Variants in NUP98 observed in about 807,000 individuals in gnomAD.
NUP98 encodes the protein nucleoporin 98 and 96 precursor.
Under a neutral mutation model 191.9 loss-of-function variants are expected in NUP98, and 26 were observed. The ratio of observed to expected loss-of-function variants is 0.14; its 90% CI spans 0.10 to 0.19. The LOEUF (loss-of-function observed/expected upper bound fraction) is 0.19, where lower values mean the gene tolerates loss of function less well. Among genes scored for constraint, NUP98 ranks in the 10% least tolerant of loss-of-function variants. The probability of loss-of-function intolerance (pLI) is 1.00; values close to 1 mark genes in which losing one functional copy is unlikely to be tolerated. For missense variants in NUP98, 1,941 were observed against 2,178.8 expected (o/e 0.89, Z 2.17); for synonymous variants, 808 against 778.4 (o/e 1.04, Z -0.63).
intron 10 of NUP98, among the ~76,000 whole-genome samples, chr11:3,755,601 G>GA (rs1564889535): frequency 6.6e-6 from 1 of 152,262 alleles, no homozygotes; most frequent in East Asian, 1.9e-4. Flanking sequence ...TTATCTCAAT[G>GA]AAAAAAATCA....
intron 28 of NUP98, among the ~76,000 whole-genome samples, chr11:3,686,867 T>C (rs2078147842): frequency 6.6e-6 from 1 of 152,062 alleles, no homozygotes; most frequent in Non-Finnish European, 1.5e-5. Flanking sequence ...CATGCCTGTA[T>C]TCCCGGCTAC....
At chr11:3,785,845 G>A (rs1447711543) in intron 1 of NUP98, among the ~76,000 whole-genome samples, 1 of 150,962 alleles carries the variant, frequency 6.6e-6, no homozygotes, top group Non-Finnish European at 1.5e-5. Context: ...CAAAAATGTA[G>A]TAAAATCCAT....
chr11:3,685,940 T>C lies in NUP98; in HGVS notation c.4676+33A>G, dbSNP rs371487921. ...TTTGGAATTGCCCTGTAGTGCTAGATGTACCCAGTGGGTTCAACGGCTTCT... is the reference window on the plus strand; with the variant it reads ...TTTGGAATTGCCCTGTAGTGCTAGACGTACCCAGTGGGTTCAACGGCTTCT... On this transcript the variant is annotated intron_variant, in intron 29 of 32. Coordinates refer to ENST00000324932, the MANE Select transcript of NUP98 (RefSeq NM_016320.5). 1.4e-5 allele frequency: 21 copies of C among 1,552,918 alleles called. 1 individual carries two copies. The highest frequency in any genetic ancestry group is 1.1e-4 in the East Asian group (5 of 44,550).
chr11:3,714,032 T>C lies in NUP98; in HGVS notation c.2400-37A>G, dbSNP rs761261562. ...AACCAATTAAAGTAACCAATTAAAGTAAAAGCGCTTCATATATAAGACCAG... is the reference window on the plus strand; with the variant it reads ...AACCAATTAAAGTAACCAATTAAAGCAAAAGCGCTTCATATATAAGACCAG... On this transcript the variant is annotated intron_variant, in intron 18 of 32. Transcript: ENST00000324932. 5 of 1,597,674 alleles carry C rather than the reference T, an allele frequency of 3.1e-6. No homozygotes were observed. The Admixed American group carries it at 5.2e-5, about 17-fold the overall frequency.
At chr11:3,722,401 C>A (rs747288790) in intron 16 of NUP98, among the ~76,000 whole-genome samples, 2 of 151,958 alleles carry the variant, frequency 1.3e-5, no homozygotes, top group African/African-American at 2.4e-5. Context: ...CACACCCAGG[C>A]TACCTGGGAT....
At chr11:3,695,230 T>C (rs1026515660) in intron 26 of NUP98, among the ~76,000 whole-genome samples, 2 of 152,244 alleles carry the variant, frequency 1.3e-5, no homozygotes, top group Non-Finnish European at 2.9e-5. Context: ...TTTACCACTA[T>C]ATGATATGGG....
chr11:3,764,769 G>A (rs559393486), intron 8 of NUP98, among the ~76,000 whole-genome samples: 160 of 152,258 alleles, frequency 1.1e-3, no homozygotes, highest in African/African-American at 3.5e-3. Flanking sequence ...TAGTAGAGAC[G>A]GGGTTTCACC....
At chr11:3,772,384 T>C (rs932336326) in intron 6 of NUP98, among the ~76,000 whole-genome samples, 23 of 152,218 alleles carry the variant, frequency 1.5e-4, no homozygotes, top group Non-Finnish European at 3.2e-4. Flanking sequence ...TAGTTTGGTA[T>C]GTAGAAAGAA....
At chr11:3,782,570 A>ATTTTTTTT (rs35916882) in intron 1 of NUP98, among the ~76,000 whole-genome samples, 1 of 117,464 alleles carries the variant, frequency 8.5e-6, no homozygotes, top group Non-Finnish European at 1.7e-5. Flanking sequence ...AAAAGCTAAC[A>ATTTTTTTT]TTTTTTTTTT....
chr11:3,796,979 C>CGG (rs2082654778), intron 1 of NUP98, among the ~76,000 whole-genome samples: 1 of 152,238 alleles, frequency 6.6e-6, no homozygotes, highest in Admixed American at 6.5e-5. Flanking sequence ...GTGCCCACTT[C>CGG]CCTTATGGAG....
intron 1 of NUP98, among the ~76,000 whole-genome samples, chr11:3,784,935 G>A (rs1014319656): frequency 6.6e-6 from 1 of 151,966 alleles, no homozygotes; most frequent in Non-Finnish European, 1.5e-5. Context: ...CCAGGAGTTC[G>A]AGACCAGCCT....
chr11:3,754,260 CTACAAAATA>C (rs1182538382), intron 10 of NUP98, among the ~76,000 whole-genome samples: 1 of 152,024 alleles, frequency 6.6e-6, no homozygotes, highest in Non-Finnish European at 1.5e-5. Context: ...AACTCTGTCT[CTACAAAATA>C]TACAAAATTA....
intron 26 of NUP98, among the ~76,000 whole-genome samples, chr11:3,694,161 C>A (rs191194983): frequency 2.4e-4 from 36 of 151,188 alleles, no homozygotes; most frequent in African/African-American, 8.7e-4. Context: ...CACCTGAGGT[C>A]GGGAGTTTGG....
At position 3,763,045 on chromosome 11, in the gene NUP98, A is replaced by T. The variant is rs1187887202; in HGVS notation, c.949-6T>A. 6.2e-7 allele frequency: 1 copy of T among 1,613,854 alleles called. No individual in the cohort carries two copies. On this transcript the variant is annotated splice_region_variant and splice_polypyrimidine_tract_variant and intron_variant, in intron 8 of 32. Transcript: ENST00000324932. ...TGGGTTACTCCAAATAATCCCTGCA[A>T]AGAAGTTTATATAGATTAAAAGATA...
intron 10 of NUP98, among the ~76,000 whole-genome samples, chr11:3,755,379 G>A (rs1049735673): frequency 2.0e-5 from 3 of 151,618 alleles, no homozygotes; most frequent in East Asian, 1.9e-4. Flanking sequence ...CAGGAAGATC[G>A]CTTGAACCAA....
chr11:3,769,689 C>T (rs1214356350), intron 7 of NUP98, among the ~76,000 whole-genome samples: 3 of 151,764 alleles, frequency 2.0e-5, no homozygotes, highest in East Asian at 3.9e-4. Flanking sequence ...CGGGTGATCA[C>T]CTGAGATCAG....
intron 31 of NUP98, among the ~76,000 whole-genome samples, chr11:3,678,136 TAAAA>T (rs76077592): frequency 9.7e-6 from 1 of 103,380 alleles, no homozygotes; most frequent in African/African-American, 3.3e-5. Flanking sequence ...AAACTCTGCC[TAAAA>T]AAAAAAAAAA....
At chr11:3,738,365 C>T (rs1392909839) in intron 12 of NUP98, among the ~76,000 whole-genome samples, 3 of 151,866 alleles carry the variant, frequency 2.0e-5, no homozygotes, top group Admixed American at 6.6e-5. Context: ...TAAAAGATTC[C>T]AAAAAACTAA....
At chr11:3,703,504 C>T (rs2078771875) in intron 22 of NUP98, among the ~76,000 whole-genome samples, 1 of 152,300 alleles carries the variant, frequency 6.6e-6, no homozygotes, top group East Asian at 1.9e-4. Flanking sequence ...GCATGAGCCA[C>T]TGCACTTGGC....
Sources: allele counts gnomAD v4.1 joint callset (sites outside exome capture counted in the v4.1 genomes callset), GRCh38; gene constraint gnomAD v4.1.1; transcripts MANE v1.5; gene names NCBI Gene and HGNC (gene_info 2026-07-23, HGNC 2026-07-21).